The following PRPF40B variants were observed in gnomAD, a reference collection of about 807,000 sequenced individuals.
The protein encoded by PRPF40B is pre-mRNA-processing factor 40 homolog B.
Under a neutral mutation model 124.5 loss-of-function variants are expected in PRPF40B, and 56 were observed. That is an observed-to-expected ratio of 0.45 (90% confidence interval 0.36 to 0.56). The LOEUF is 0.56. Among genes scored for constraint, PRPF40B ranks in the 20% least tolerant of loss-of-function variants. The pLI, the probability that PRPF40B is intolerant of heterozygous loss-of-function variation, is 0.00. For synonymous variants in PRPF40B, 443 were observed against 426.4 expected (o/e 1.04, Z -0.48); for missense variants, 1,053 against 1,169.5 (o/e 0.90, Z 1.45).
At chr12:49,629,716 G>T (rs990059676) in intron 1 of PRPF40B, among the ~76,000 whole-genome samples, 2 of 152,242 alleles carry the variant, frequency 1.3e-5, no homozygotes, top group African/African-American at 4.8e-5. Context: ...AAGGGGATCA[G>T]ATAGAGAAAT....
intron 18 of PRPF40B, chr12:49,641,698 C>A: frequency 1.7e-6 from 1 of 577,414 alleles, no homozygotes; most frequent in Non-Finnish European, 3.1e-6. Flanking sequence ...CCCTTCAGCT[C>A]TGTGTGACAT....
At chr12:49,623,442 C>A (rs900102716), upstream of PRPF40B, 3 of 827,938 alleles carry the variant, frequency 3.6e-6, no homozygotes, top group Non-Finnish European at 4.8e-6. Context: ...CCGGTTGGGG[C>A]CCCGCTCGCC....
Position 49,631,952 on chromosome 12 carries a change from A to G in PRPF40B, c.294+27A>G. 6.2e-7 allele frequency: 1 copy of G among 1,609,084 alleles called. No individual in the cohort carries two copies. The highest frequency in any genetic ancestry group is 8.5e-7 in the Non-Finnish European group (1 of 1,175,496). On this transcript the variant is annotated intron_variant, in intron 4 of 25. Coordinates refer to ENST00000548825, the MANE Select transcript of PRPF40B (RefSeq NM_001031698.3). This position sits in a 1 kb window ranked among gnomAD's most constrained non-coding sequence, Gnocchi z 4.3. The stretch of plus-strand genomic sequence containing the variant: ...TAAGCACTAGGGGCCAGCAGGTAGC[A>G]GGCTCTGCCCTGCAGTCCCGTGAGT...
intron 15 of PRPF40B, chr12:49,636,468 T>A: frequency 2.0e-6 from 1 of 508,198 alleles, no homozygotes; most frequent in Non-Finnish European, 3.5e-6. Flanking sequence ...GGTTTCATGT[T>A]ATGGCTTCTA....
intron 4 of PRPF40B, 85 bp downstream of exon 4, chr12:49,632,010 C>A (rs533788513): frequency 7.4e-7 from 1 of 1,343,900 alleles, no homozygotes; most frequent in Non-Finnish European, 1.1e-6. Context: ...GACCTCCATT[C>A]TTTCCCTCTT....
rs766758338 is a variant in PRPF40B, at chr12:49,641,923, G to C, written c.1783G>C (p.Val595Leu). The C allele has an allele frequency of 4.6e-5, 74 of 1,613,374 alleles. No individual in the cohort carries two copies. Among genetic ancestry groups the C allele is most frequent in the Non-Finnish European group, 6.1e-5 (72 of 1,180,038 alleles). Residue 595 changes from valine to leucine, a missense_variant, in exon 19 of 26, where the codon GTG (valine) becomes CTG (leucine). By Grantham distance (32) the Val-to-Leu change is conservative (BLOSUM62 1). Coordinates refer to ENST00000548825, the MANE Select transcript of PRPF40B (RefSeq NM_001031698.3). ...KDILKDRGFCVEVNTAFEDFA... is the reference protein window; with the variant it reads ...KDILKDRGFCLEVNTAFEDFA... ...GTACCCACAGGACCGGGGCTTCTGC[G>C]TGGAGGTGAACACGGCCTTTGAGGA...
chr12:49,635,179 C>A lies in PRPF40B; in HGVS notation c.1082C>A (p.Ala361Asp), dbSNP rs746047074. ...CGGGAGAAGGAGGAGAAGGAGGAGG[C>A]CCGGCTAAGGGCCAAAGAGGCCAAG... ...AQREKEEKEE[A>D]RLRAKEAKQT... Residue 361 changes from alanine (A) to aspartate (D), a missense_variant, in exon 13 of 26, where the codon GCC becomes GAC. Transcript: ENST00000548825. This position sits in a 1 kb window ranked among gnomAD's most constrained non-coding sequence, Gnocchi z 4.1. 1.2e-6 allele frequency: 2 copies of A among 1,614,078 alleles called. No homozygotes were observed. The highest frequency in any genetic ancestry group is 3.3e-5 in the Admixed American group (2 of 60,018).
intron 1 of PRPF40B, among the ~76,000 whole-genome samples, chr12:49,624,767 C>T (rs762585315): frequency 6.6e-6 from 1 of 151,968 alleles, no homozygotes; most frequent in African/African-American, 2.4e-5. Context: ...ATCACTTGAA[C>T]CCGGGAGGCA....
At chr12:49,636,956 C>T in intron 16 of PRPF40B, 107 bp downstream of exon 16, 1 of 1,525,114 alleles carries the variant, frequency 6.6e-7, no homozygotes, top group Non-Finnish European at 8.9e-7. Flanking sequence ...CTTTCTGTGC[C>T]TAGCCCTGTC....
rs1233077161 is a variant in PRPF40B, at chr12:49,633,452, A to T, written c.485A>T (p.Lys162Ile). 1 of 1,614,172 alleles carries T rather than the reference A, an allele frequency of 6.2e-7. No homozygotes were observed. Among genetic ancestry groups the T allele is most frequent in the Non-Finnish European group, 8.5e-7 (1 of 1,180,016 alleles). The change falls in exon 8 of 26, where the codon AAA becomes ATA. Residue 162 changes from lysine to isoleucine, a missense_variant. This residue lies in a region of PRPF40B where 895 missense variants were observed against 1,052.2 expected (regional missense o/e 0.85). Coordinates refer to ENST00000548825, the MANE Select transcript of PRPF40B (RefSeq NM_001031698.3). ...AELLLSQCPWKEYKSDTGKPY... is the reference protein window; with the variant it reads ...AELLLSQCPWIEYKSDTGKPY... ...CTGCTCCTGTCCCAATGTCCCTGGA[A>T]AGAGTACAAGTCGGACACAGGCAAA...
intron 16 of PRPF40B, chr12:49,637,186 G>T (rs1941944265): frequency 3.5e-6 from 2 of 572,714 alleles, no homozygotes; most frequent in South Asian, 4.3e-5. Context: ...TGGCAGTGGT[G>T]GTGGTAGTGC....
chr12:49,636,652 G>A, intron 15 of PRPF40B, 64 bp from the exon 16 acceptor site: 2 of 1,604,104 alleles, frequency 1.2e-6, no homozygotes, highest in Non-Finnish European at 8.5e-7. Context: ...AACATTAGGG[G>A]TGCTGGGGTC....
chr12:49,642,358 A>G lies in PRPF40B; in HGVS notation c.2008A>G (p.Thr670Ala), dbSNP rs1565851048. The change falls in exon 20 of 26, where the codon ACT becomes GCT. Residue 670 changes from threonine (T) to alanine (A), a missense_variant. Around this residue, in one of 2 missense-constraint regions of PRPF40B, gnomAD observed 895 missense variants for 1,052.2 expected, o/e 0.85. Transcript: ENST00000548825. This position sits in a 1 kb window ranked among gnomAD's most constrained non-coding sequence, Gnocchi z 5.8. ...GGCTGTGCCTGCTCTGGAGCTAGGCACTGCCTGGGAAGAGGTCAGGAGCGT... is the reference window on the plus strand; with the variant it reads ...GGCTGTGCCTGCTCTGGAGCTAGGCGCTGCCTGGGAAGAGGTCAGGAGCGT... ...RQAVPALELG[T>A]AWEEVRERFV... 15 of 1,613,838 alleles carry G rather than the reference A, an allele frequency of 9.3e-6. No individual in the cohort carries two copies. The highest frequency in any genetic ancestry group is 1.7e-4 in the Middle Eastern group (1 of 6,014).
chr12:49,635,165 G>A lies in PRPF40B; in HGVS notation c.1068G>A (p.Glu356=), dbSNP rs1241866968. 15 of 1,613,986 alleles carry A rather than the reference G, an allele frequency of 9.3e-6. No homozygotes were observed. The highest frequency in any genetic ancestry group is 5.3e-5 in the African/African-American group (4 of 74,914). Residue 356 remains glutamate, a synonymous_variant, in exon 13 of 26, where the codon GAG becomes GAA. Transcript: ENST00000548825. The surrounding 1 kb of genome is among the most constrained non-coding windows in gnomAD (Gnocchi z 4.1). ...FNAYKAQREK[E]EKEEARLRAK... ...CCTACAAGGCGCAGCGGGAGAAGGA[G>A]GAGAAGGAGGAGGCCCGGCTAAGGG...
intron 4 of PRPF40B, chr12:49,632,341 A>G (rs1402164733): frequency 7.0e-6 from 4 of 571,194 alleles, no homozygotes; most frequent in African/African-American, 1.9e-5. Flanking sequence ...TCCACTGTGA[A>G]GGAATGAGCC....
chr12:49,625,202 T>C (rs1217677720), intron 1 of PRPF40B, among the ~76,000 whole-genome samples: 1 of 152,124 alleles, frequency 6.6e-6, no homozygotes, highest in East Asian at 1.9e-4. Flanking sequence ...AGGAAATGTA[T>C]CTGAATGTAA....
rs766758338 is a variant in PRPF40B, at chr12:49,641,923, G to A, written c.1783G>A (p.Val595Met). 5.6e-6 allele frequency: 9 copies of A among 1,613,374 alleles called. No individual in the cohort carries two copies. The highest frequency in any genetic ancestry group is 1.3e-5 in the African/African-American group (1 of 74,920). Residue 595 changes from valine to methionine, a missense_variant, in exon 19 of 26, where the codon GTG (valine) becomes ATG (methionine). Around this residue, in one of 2 missense-constraint regions of PRPF40B, gnomAD observed 895 missense variants for 1,052.2 expected, o/e 0.85. Coordinates refer to ENST00000548825, the MANE Select transcript of PRPF40B (RefSeq NM_001031698.3). ...KDILKDRGFC[V>M]EVNTAFEDFA... ...GTACCCACAGGACCGGGGCTTCTGC[G>A]TGGAGGTGAACACGGCCTTTGAGGA...
chr12:49,626,626 G>A (rs1167591820), intron 1 of PRPF40B, among the ~76,000 whole-genome samples: 2 of 152,192 alleles, frequency 1.3e-5, no homozygotes, highest in Non-Finnish European at 2.9e-5. Context: ...CATTGAGTCA[G>A]GATGAGCAAA....
At position 49,643,844 on chromosome 12, in the gene PRPF40B, G is replaced by C. The variant is rs769196078; in HGVS notation, c.2443-17G>C. 6.2e-7 allele frequency: 1 copy of C among 1,614,188 alleles called. No homozygotes were observed. Among genetic ancestry groups the C allele is most frequent in the Admixed American group, 1.7e-5 (1 of 60,022 alleles). ...CTATCCACAGGAACTGAGGAGGTGG[G>C]CTCTGGACTCTTACAGAATAGTCCT... On this transcript the variant is annotated splice_polypyrimidine_tract_variant and intron_variant, in intron 24 of 25. Transcript: ENST00000548825.
Sources: gnomAD v4.1 joint callset for allele counts (sites outside exome capture counted in the v4.1 genomes callset) on GRCh38, gnomAD v4.1.1 for gene constraint, gnomAD v4.1.1 regional missense constraint, Gnocchi (gnomAD v3.1) non-coding constraint, MANE v1.5 for transcripts, NCBI Gene and HGNC (gene_info 2026-07-23, HGNC 2026-07-21) for gene names.